The following MSTO1 variants were observed in gnomAD, a reference collection of about 807,000 sequenced individuals.
MSTO1 encodes the protein protein misato homolog 1.
MSTO1 carries 24 observed loss-of-function variants against 55.7 expected under a neutral mutation model. The observed-to-expected ratio is 0.43, with a 90% CI of 0.31 to 0.61. The LOEUF is 0.61. Among genes scored for constraint, MSTO1 ranks in the 20% least tolerant of loss-of-function variants. MSTO1 has a pLI of 0.09. For missense variants in MSTO1, 363 were observed against 625.7 expected (o/e 0.58, Z 4.48); for synonymous variants, 162 against 252.8 (o/e 0.64, Z 3.41).
the MSTO1 span, among the ~76,000 whole-genome samples, chr1:155,599,170 G>C: frequency 1.3e-5 from 2 of 151,458 alleles, no homozygotes; most frequent in Admixed American, 1.3e-4. Context: ...AAAACAAGAC[G>C]CTGTCTCAGA....
chr1:155,610,708 G>A (rs1673718555), intron 2 of MSTO1, 148 bp downstream of exon 2: 1 of 598,872 alleles, frequency 1.7e-6, no homozygotes, highest in Non-Finnish European at 3.0e-6. Flanking sequence ...ACACTCGAGG[G>A]GCCCACGACA....
chr1:155,588,739 G>A, the MSTO1 span, among the ~76,000 whole-genome samples: 2 of 152,054 alleles, frequency 1.3e-5, no homozygotes, highest in African/African-American at 2.4e-5. Context: ...GCACCTGAGC[G>A]GGATTAGTCG....
the MSTO1 span, among the ~76,000 whole-genome samples, chr1:155,603,845 G>A: frequency 6.6e-6 from 1 of 152,006 alleles, no homozygotes; most frequent in Non-Finnish European, 1.5e-5. Flanking sequence ...GTGACAGAGC[G>A]AGACTCTGTC....
the MSTO1 span, among the ~76,000 whole-genome samples, chr1:155,564,620 G>A: frequency 1.6e-3 from 243 of 152,330 alleles, no homozygotes; most frequent in African/African-American, 5.7e-3. Context: ...AGGTAAAGAG[G>A]AAAGCAGCCT....
chr1:155,571,859 T>C, the MSTO1 span, among the ~76,000 whole-genome samples: 2 of 151,778 alleles, frequency 1.3e-5, no homozygotes, highest in Non-Finnish European at 2.9e-5. Flanking sequence ...CTGGCCAACA[T>C]GGTGAAACCT....
the MSTO1 span, among the ~76,000 whole-genome samples, chr1:155,595,757 A>T: frequency 3.9e-5 from 6 of 152,184 alleles, no homozygotes; most frequent in African/African-American, 9.6e-5. Context: ...GATTACAGGC[A>T]TGGACCACCA....
the MSTO1 span, among the ~76,000 whole-genome samples, chr1:155,577,327 A>T: frequency 1.3e-5 from 2 of 152,030 alleles, no homozygotes; most frequent in Admixed American, 1.3e-4. Context: ...TGACCTCGTG[A>T]TCCACCCGCC....
At chr1:155,612,384 A>C in intron 8 of MSTO1, 34 bp from the exon 9 acceptor site, 4 of 1,590,190 alleles carry the variant, frequency 2.5e-6, no homozygotes, top group Non-Finnish European at 3.4e-6. Context: ...CCAGTGGGAG[A>C]GCTGCTTAAT....
the MSTO1 span, chr1:155,590,545 G>T: frequency 1.2e-6 from 1 of 856,498 alleles, no homozygotes; most frequent in Non-Finnish European, 1.8e-6. Context: ...AAAGCTGTTG[G>T]GCACTGCCAC....
chr1:155,589,197 C>A, the MSTO1 span, among the ~76,000 whole-genome samples: 1 of 151,896 alleles, frequency 6.6e-6, no homozygotes, highest in African/African-American at 2.4e-5. Context: ...ACTCGGGAGG[C>A]TGAGGTAAGA....
chr1:155,587,346 A>G, the MSTO1 span, among the ~76,000 whole-genome samples: 3,080 of 149,118 alleles, frequency 0.021, 100 homozygotes, highest in African/African-American at 0.073. Context: ...AGGCTGAAGC[A>G]GGAGAATCCG....
In MSTO1 at chr1:155,614,642, C is replaced by T. The variant is rs141805415; in HGVS notation, c.*369C>T. ...CTGTAAACTGGGCTCAAGGACTGTA[C>T]AAGCAGAGTACAACTACCCGCCTCC... is the stretch of plus-strand genomic sequence containing the variant. On this transcript the variant is annotated 3_prime_UTR_variant, in exon 14 of 14. Coordinates refer to ENST00000245564, the MANE Select transcript of MSTO1 (RefSeq NM_018116.4). 4 of 1,224,706 alleles carry T rather than the reference C, an allele frequency of 3.3e-6. No homozygotes were observed. Among genetic ancestry groups the T allele is most frequent in the Admixed American group, 1.8e-5 (1 of 56,830 alleles). The allele number at this position is 1,224,706 out of a possible 1,614,324, so 75.9% of individuals were successfully genotyped here. A position where few individuals can be genotyped will look rare whatever the true frequency, so the allele number is the denominator to read the frequency against.
chr1:155,609,291 G>C (rs538134062), upstream of MSTO1, among the ~76,000 whole-genome samples: 1 of 119,376 alleles, frequency 8.4e-6, no homozygotes, highest in African/African-American at 3.2e-5. Flanking sequence ...TGTCGCCCAG[G>C]ATGGAGTGCA....
the MSTO1 span, among the ~76,000 whole-genome samples, chr1:155,581,352 G>C: frequency 9.9e-5 from 15 of 152,072 alleles, no homozygotes; most frequent in Non-Finnish European, 2.2e-4. Context: ...GAAAAGCTCA[G>C]AATGATGGCA....
chr1:155,563,606 T>A, the MSTO1 span: 1 of 456,238 alleles, frequency 2.2e-6, no homozygotes, highest in Non-Finnish European at 4.4e-6. Context: ...ATGGTACTTC[T>A]TCAGCCTCGT....
chr1:155,593,065 C>T, the MSTO1 span, among the ~76,000 whole-genome samples: 7 of 152,076 alleles, frequency 4.6e-5, no homozygotes, highest in African/African-American at 1.7e-4. Context: ...GCGTGCAACA[C>T]CACACCTGGC....
chr1:155,614,034 G>T (rs1186326835), intron 13 of MSTO1, 25 bp from the exon 14 acceptor site: 2 of 1,599,836 alleles, frequency 1.3e-6, no homozygotes, highest in Admixed American at 1.7e-5. Context: ...CCATCTACAG[G>T]TCTCTGTTTC....
At chr1:155,591,266 G>A in the MSTO1 span, 1 of 1,590,872 alleles carries the variant, frequency 6.3e-7, no homozygotes, top group Non-Finnish European at 8.6e-7. Flanking sequence ...AGGCCATGGT[G>A]AGATTGAAGG....
the MSTO1 span, among the ~76,000 whole-genome samples, chr1:155,565,045 C>G: frequency 6.6e-6 from 1 of 151,874 alleles, no homozygotes; most frequent in East Asian, 1.9e-4. Context: ...TGCTTGAACC[C>G]GGGAGGCAGA....
Sources: allele counts gnomAD v4.1 joint callset (sites outside exome capture counted in the v4.1 genomes callset), GRCh38; gene constraint gnomAD v4.1.1; transcripts MANE v1.5; gene names NCBI Gene and HGNC (gene_info 2026-07-23, HGNC 2026-07-21).